CACNA2D1: variants seen among roughly 807,000 people sequenced by gnomAD.
The protein encoded by CACNA2D1 is voltage-dependent calcium channel subunit alpha-2/delta-1.
Under a neutral mutation model 171.5 loss-of-function variants are expected in CACNA2D1, and 53 were observed. That is an observed-to-expected ratio of 0.31 (90% CI 0.25 to 0.39). The LOEUF (loss-of-function observed/expected upper bound fraction) is 0.39, where lower values mean the gene tolerates loss of function less well. Ranked by LOEUF, CACNA2D1 falls within the 10% of genes least tolerant of loss-of-function variation. CACNA2D1 has a pLI of 1.00. For missense variants in CACNA2D1, 903 were observed against 1,299.8 expected (o/e 0.69, Z 4.69); for synonymous variants, 442 against 443.1 (o/e 1.00, Z 0.03).
intron 10 of CACNA2D1, among the ~76,000 whole-genome samples, chr7:82,040,164 G>T (rs1277348839): frequency 6.6e-6 from 1 of 152,144 alleles, no homozygotes; most frequent in Non-Finnish European, 1.5e-5. Context: ...AAGAATTCAG[G>T]AGGTATTTCT....
rs1438870903 is a variant in CACNA2D1, at chr7:82,173,251, T to C, written c.295-2642A>G. Among the ~76,000 whole-genome samples the C allele has an allele frequency of 3.3e-5, 5 of 152,136 alleles. No individual in the cohort carries two copies. The East Asian group carries it at 5.8e-4, about 18-fold the overall frequency. ...ATAACACAATTCCCTAGGAGGAAGATAGTCCAAATCGGCTTTATTTATATG... is the reference window on the plus strand; with the variant it reads ...ATAACACAATTCCCTAGGAGGAAGACAGTCCAAATCGGCTTTATTTATATG... On this transcript the variant is annotated intron_variant, in intron 3 of 38. Coordinates refer to ENST00000356860, the MANE Select transcript of CACNA2D1 (RefSeq NM_000722.4).
intron 4 of CACNA2D1, among the ~76,000 whole-genome samples, chr7:82,162,644 A>G: frequency 6.6e-6 from 1 of 151,404 alleles, no homozygotes; most frequent in East Asian, 1.9e-4. Flanking sequence ...AAGAGACTTT[A>G]AGTTTAAATG....
intron 10 of CACNA2D1, among the ~76,000 whole-genome samples, chr7:82,047,244 C>G (rs980688918): frequency 6.6e-6 from 1 of 152,128 alleles, no homozygotes; most frequent in African/African-American, 2.4e-5. Flanking sequence ...GCATAGCCCT[C>G]TAGAAATTTG....
At chr7:82,245,754 T>G (rs1238701288) in intron 3 of CACNA2D1, among the ~76,000 whole-genome samples, 3 of 152,040 alleles carry the variant, frequency 2.0e-5, no homozygotes, top group Non-Finnish European at 4.4e-5. Context: ...TTCTCCATTT[T>G]GATCTAGGAG....
intron 4 of CACNA2D1, among the ~76,000 whole-genome samples, chr7:82,166,383 C>T (rs1584976595): frequency 6.6e-6 from 1 of 152,122 alleles, no homozygotes; most frequent in Middle Eastern, 3.4e-3. Flanking sequence ...CGTCTGTACT[C>T]TGCCTGCACA....
chr7:82,188,338 T>G (rs1797970853), intron 3 of CACNA2D1, among the ~76,000 whole-genome samples: 1 of 152,166 alleles, frequency 6.6e-6, no homozygotes, highest in Admixed American at 6.6e-5. Flanking sequence ...TCAGGGAGAC[T>G]GTAATATCTG....
At chr7:82,261,139 G>A (rs1467169237) in intron 3 of CACNA2D1, among the ~76,000 whole-genome samples, 1 of 152,232 alleles carries the variant, frequency 6.6e-6, no homozygotes, top group East Asian at 1.9e-4. Flanking sequence ...ATTTTTAGTA[G>A]AGACAGGGTT....
intron 5 of CACNA2D1, among the ~76,000 whole-genome samples, chr7:82,120,137 A>G (rs551822404): frequency 3.9e-5 from 6 of 152,246 alleles, no homozygotes; most frequent in African/African-American, 1.4e-4. Flanking sequence ...AGCTATAATT[A>G]TGCTACTCCA....
At chr7:82,100,679 T>C (rs2129034972) in intron 6 of CACNA2D1, among the ~76,000 whole-genome samples, 1 of 152,292 alleles carries the variant, frequency 6.6e-6, no homozygotes, top group East Asian at 1.9e-4. Flanking sequence ...TATACATATA[T>C]GAAGTGTATA....
At chr7:82,179,487 T>G (rs1359785118) in intron 3 of CACNA2D1, among the ~76,000 whole-genome samples, 1 of 152,152 alleles carries the variant, frequency 6.6e-6, no homozygotes, top group African/African-American at 2.4e-5. Context: ...GCTTGAGAAC[T>G]GCATTCTGGT....
chr7:81,966,880 G>C (rs555337905), intron 31 of CACNA2D1, among the ~76,000 whole-genome samples: 71 of 151,510 alleles, frequency 4.7e-4, no homozygotes, highest in African/African-American at 1.6e-3. Flanking sequence ...TAGAGCTAAA[G>C]ATAAATATGT....
chr7:81,983,026 C>T (rs1291949413), intron 23 of CACNA2D1, among the ~76,000 whole-genome samples: 2 of 151,912 alleles, frequency 1.3e-5, no homozygotes, highest in Admixed American at 1.3e-4. Flanking sequence ...CTCATTAATG[C>T]CTTTAGTGAG....
intron 3 of CACNA2D1, among the ~76,000 whole-genome samples, chr7:82,229,509 G>A (rs74758057): frequency 1.3e-5 from 2 of 151,314 alleles, no homozygotes; most frequent in Non-Finnish European, 3.0e-5. Context: ...TTATTTTTTT[G>A]GTCTCTGCTT....
chr7:81,961,327 A>G (rs1794088923), intron 36 of CACNA2D1, among the ~76,000 whole-genome samples: 1 of 152,056 alleles, frequency 6.6e-6, no homozygotes, highest in African/African-American at 2.4e-5. Context: ...ATGGATACTG[A>G]CTAACATTAA....
At chr7:82,103,521 A>G (rs1383341187) in intron 6 of CACNA2D1, among the ~76,000 whole-genome samples, 1 of 152,140 alleles carries the variant, frequency 6.6e-6, no homozygotes, top group East Asian at 1.9e-4. Flanking sequence ...CTTAATGTCG[A>G]GTTTTACCGA....
At chr7:81,963,590 C>CTGATG (rs952945432) in intron 34 of CACNA2D1, among the ~76,000 whole-genome samples, 3 of 151,900 alleles carry the variant, frequency 2.0e-5, no homozygotes, top group African/African-American at 7.3e-5. Flanking sequence ...TGTCGGCAAC[C>CTGATG]TGATGCCCCT....
chr7:82,033,688 T>C (rs1031345068), intron 11 of CACNA2D1, among the ~76,000 whole-genome samples: 4 of 152,088 alleles, frequency 2.6e-5, no homozygotes, highest in African/African-American at 9.7e-5. Flanking sequence ...CTCAAGTCCA[T>C]GGTAAATCTT....
intron 3 of CACNA2D1, among the ~76,000 whole-genome samples, chr7:82,312,102 G>A (rs950217028): frequency 3.3e-5 from 5 of 152,042 alleles, no homozygotes; most frequent in Non-Finnish European, 5.9e-5. Context: ...TCAACTTATG[G>A]CCTATATGAC....
At chr7:82,010,114 A>T (rs1015050183) in intron 15 of CACNA2D1, among the ~76,000 whole-genome samples, 2 of 152,040 alleles carry the variant, frequency 1.3e-5, no homozygotes, top group East Asian at 1.9e-4. Flanking sequence ...TTTCTTAACC[A>T]CAACCCACTT....
Sources: gnomAD v4.1 joint callset for allele counts (sites outside exome capture counted in the v4.1 genomes callset) on GRCh38, gnomAD v4.1.1 for gene constraint, MANE v1.5 for transcripts, NCBI Gene and HGNC (gene_info 2026-07-23, HGNC 2026-07-21) for gene names.